SLC24A3: variants seen among roughly 807,000 people sequenced by gnomAD.
SLC24A3 encodes the protein sodium/potassium/calcium exchanger 3.
A neutral mutation model predicts 75.8 loss-of-function variants in SLC24A3; 28 were observed. The ratio of observed to expected loss-of-function variants is 0.37; its 90% CI spans 0.27 to 0.51. The LOEUF (loss-of-function observed/expected upper bound fraction) is 0.51, where lower values mean the gene tolerates loss of function less well. Ranked by LOEUF, SLC24A3 falls within the 20% of genes least tolerant of loss-of-function variation. The probability of loss-of-function intolerance (pLI) is 0.94; values close to 1 mark genes in which losing one functional copy is unlikely to be tolerated. For synonymous variants in SLC24A3, 372 were observed against 334.1 expected, an observed-to-expected ratio of 1.11 and a Z score of -1.24; for missense variants, 663 against 847.8, an observed-to-expected ratio of 0.78 and a Z score of 2.71.
intron 7 of SLC24A3, among the ~76,000 whole-genome samples, chr20:19,660,259 T>C (rs1248040667): frequency 6.6e-6 from 1 of 152,140 alleles, no homozygotes; most frequent in Non-Finnish European, 1.5e-5. Flanking sequence ...ATACCCAATA[T>C]GTAGTTTTTG....
At chr20:19,653,995 G>T in intron 6 of SLC24A3, 67 bp from the exon 7 acceptor site, 6 of 1,389,510 alleles carry the variant, frequency 4.3e-6, no homozygotes, top group Admixed American at 1.7e-5. Context: ...GGCTAAACCT[G>T]CAAGAGTCCC....
At chr20:19,532,261 G>C (rs545300225) in intron 3 of SLC24A3, among the ~76,000 whole-genome samples, 14 of 152,342 alleles carry the variant, frequency 9.2e-5, no homozygotes, top group South Asian at 8.3e-4. Context: ...CAATCAGCCA[G>C]CCTCAAGTCA....
At chr20:19,537,019 G>A (rs1428873386) in intron 3 of SLC24A3, among the ~76,000 whole-genome samples, 2 of 152,120 alleles carry the variant, frequency 1.3e-5, no homozygotes, top group Admixed American at 1.3e-4. Flanking sequence ...AGCCAAAATT[G>A]ACAAATGGGA....
intron 12 of SLC24A3, among the ~76,000 whole-genome samples, chr20:19,688,974 C>A (rs1284938800): frequency 6.6e-6 from 1 of 151,908 alleles, no homozygotes; most frequent in Non-Finnish European, 1.5e-5. Context: ...TATATACACA[C>A]AATATACACA....
chr20:19,458,948 T>C (rs1307790918), intron 2 of SLC24A3, among the ~76,000 whole-genome samples: 1 of 152,226 alleles, frequency 6.6e-6, no homozygotes, highest in Non-Finnish European at 1.5e-5. Flanking sequence ...AACTTAGGAC[T>C]GGTTAACCCA....
rs368023758 is a variant in SLC24A3 at position 19,404,887 on chromosome 20, C to T, written c.272-110601C>T. ...CAAGATGGTCTTGCATTCCTGGTTT[C>T]TTTCAAGCCTATTAGGGTTGAAATG... On this transcript the variant is annotated intron_variant, in intron 2 of 16. Transcript: ENST00000328041. Among the ~76,000 whole-genome samples the T allele has an allele frequency of 3.9e-5, 6 of 152,274 alleles. No homozygotes were observed. The South Asian group carries it at 1.2e-3, about 32-fold the overall frequency.
chr20:19,304,383 C>G (rs1984270347), intron 2 of SLC24A3, among the ~76,000 whole-genome samples: 1 of 152,138 alleles, frequency 6.6e-6, no homozygotes, highest in Non-Finnish European at 1.5e-5. Flanking sequence ...TTGTTGATAC[C>G]TGCCTCATTG....
intron 2 of SLC24A3, among the ~76,000 whole-genome samples, chr20:19,469,393 G>A (rs1987826622): frequency 6.6e-6 from 1 of 152,202 alleles, no homozygotes. Flanking sequence ...TGGAGACACT[G>A]TTTTAGTTAG....
At chr20:19,487,929 GT>G (rs1215052753) in intron 2 of SLC24A3, among the ~76,000 whole-genome samples, 4 of 152,064 alleles carry the variant, frequency 2.6e-5, no homozygotes, top group South Asian at 2.1e-4. Context: ...GTTTTGTTTG[GT>G]TTGTCCTGAT....
intron 3 of SLC24A3, among the ~76,000 whole-genome samples, chr20:19,546,767 G>T (rs990965978): frequency 8.5e-6 from 1 of 117,352 alleles, no homozygotes; most frequent in Non-Finnish European, 1.8e-5. Flanking sequence ...CCTGGTTTCT[G>T]CCTAGACCAC....
intron 2 of SLC24A3, among the ~76,000 whole-genome samples, chr20:19,318,077 A>G (rs931084730): frequency 6.6e-6 from 1 of 152,188 alleles, no homozygotes; most frequent in African/African-American, 2.4e-5. Flanking sequence ...CCAATGGCTG[A>G]TGGGAGGTGG....
intron 12 of SLC24A3, among the ~76,000 whole-genome samples, chr20:19,690,364 A>G (rs1051923615): frequency 2.0e-5 from 3 of 152,136 alleles, no homozygotes; most frequent in African/African-American, 4.8e-5. Context: ...ACTTCTTACA[A>G]CTTTGTCTAA....
chr20:19,553,344 A>G (rs539472057), intron 3 of SLC24A3, among the ~76,000 whole-genome samples: 2 of 152,060 alleles, frequency 1.3e-5, no homozygotes, highest in African/African-American at 2.4e-5. Context: ...CTTAAAAACC[A>G]TGGGGAAATA....
intron 2 of SLC24A3, among the ~76,000 whole-genome samples, chr20:19,302,621 G>C (rs1984221287): frequency 6.6e-6 from 1 of 152,112 alleles, no homozygotes; most frequent in Non-Finnish European, 1.5e-5. Context: ...GGAGTGTCTG[G>C]CCTGTGTTTA....
At chr20:19,360,434 C>G (rs1403247067) in intron 2 of SLC24A3, among the ~76,000 whole-genome samples, 1 of 152,248 alleles carries the variant, frequency 6.6e-6, no homozygotes, top group African/African-American at 2.4e-5. Context: ...GTCACATCAA[C>G]AGCTGAATCT....
intron 7 of SLC24A3, among the ~76,000 whole-genome samples, chr20:19,654,929 G>A (rs1486737493): frequency 1.3e-5 from 2 of 152,158 alleles, no homozygotes; most frequent in Non-Finnish European, 2.9e-5. Context: ...TTACAGGCAT[G>A]AGCCACAGCA....
intron 2 of SLC24A3, among the ~76,000 whole-genome samples, chr20:19,499,981 G>A (rs981842271): frequency 6.6e-6 from 1 of 152,174 alleles, no homozygotes; most frequent in African/African-American, 2.4e-5. Flanking sequence ...CATCAAGACT[G>A]TGCTGAATAC....
At chr20:19,577,127 T>C (rs1432815612) in intron 3 of SLC24A3, among the ~76,000 whole-genome samples, 1 of 151,914 alleles carries the variant, frequency 6.6e-6, no homozygotes, top group Non-Finnish European at 1.5e-5. Flanking sequence ...CGATCTCGGC[T>C]CATGGCAAGC....
chr20:19,357,869 G>A (rs535305976), intron 2 of SLC24A3, among the ~76,000 whole-genome samples: 1 of 152,252 alleles, frequency 6.6e-6, no homozygotes, highest in South Asian at 2.1e-4. Context: ...CTGGGAGGGG[G>A]TGTTGGCTCT....
Sources: gnomAD v4.1 joint callset for allele counts (sites outside exome capture counted in the v4.1 genomes callset) on GRCh38, gnomAD v4.1.1 for gene constraint, MANE v1.5 for transcripts, NCBI Gene and HGNC (gene_info 2026-07-23, HGNC 2026-07-21) for gene names.